The following CTNND2 variants were observed in gnomAD, a reference collection of about 807,000 sequenced individuals.
The protein encoded by CTNND2 is catenin delta-2.
CTNND2 carries 22 observed loss-of-function variants against 144.4 expected under a neutral mutation model. The observed-to-expected ratio is 0.15, with a 90% CI of 0.11 to 0.22. The LOEUF is 0.22. Among genes scored for constraint, CTNND2 ranks in the 10% least tolerant of loss-of-function variants. The probability of loss-of-function intolerance (pLI) is 1.00; values close to 1 mark genes in which losing one functional copy is unlikely to be tolerated. For synonymous variants in CTNND2, 751 were observed against 695.6 expected (o/e 1.08, Z -1.25); for missense variants, 1,353 against 1,618.8 (o/e 0.84, Z 2.82).
At chr5:11,760,049 CAAAAAAAAA>C (rs33988550) in intron 1 of CTNND2, among the ~76,000 whole-genome samples, 1 of 117,638 alleles carries the variant, frequency 8.5e-6, no homozygotes, top group Admixed American at 8.9e-5. Context: ...GTACTGGATG[CAAAAAAAAA>C]AAAAAAAAAA....
chr5:11,830,661 T>C (rs1253567869), intron 1 of CTNND2, among the ~76,000 whole-genome samples: 1 of 152,122 alleles, frequency 6.6e-6, no homozygotes, highest in Admixed American at 6.5e-5. Flanking sequence ...GAAAACGGAC[T>C]AGTACGGACT....
At chr5:11,169,157 C>T (rs1041133060) in intron 11 of CTNND2, among the ~76,000 whole-genome samples, 2 of 152,124 alleles carry the variant, frequency 1.3e-5, no homozygotes, top group Non-Finnish European at 2.9e-5. Flanking sequence ...CCCATGGTTC[C>T]CCACCTTGCA....
intron 3 of CTNND2, among the ~76,000 whole-genome samples, chr5:11,480,793 C>G (rs1768180000): frequency 6.6e-6 from 1 of 152,024 alleles, no homozygotes; most frequent in Non-Finnish European, 1.5e-5. Context: ...GCGTTGATGT[C>G]AGGTGAGCTG....
chr5:11,295,470 T>C (rs1409661033), intron 9 of CTNND2, among the ~76,000 whole-genome samples: 1 of 152,130 alleles, frequency 6.6e-6, no homozygotes, highest in Non-Finnish European at 1.5e-5. Flanking sequence ...TTCACAGAAT[T>C]GGAAAAAACT....
intron 3 of CTNND2, among the ~76,000 whole-genome samples, chr5:11,493,747 G>A (rs1386723711): frequency 6.6e-6 from 1 of 152,116 alleles, no homozygotes. Flanking sequence ...CTAACCTTCA[G>A]ACTTCATTTT....
chr5:11,484,303 T>C (rs935059825), intron 3 of CTNND2, among the ~76,000 whole-genome samples: 4 of 152,208 alleles, frequency 2.6e-5, no homozygotes, highest in African/African-American at 7.2e-5. Context: ...TTACGCATAG[T>C]TGAATTTGGC....
intron 2 of CTNND2, among the ~76,000 whole-genome samples, chr5:11,622,703 T>C (rs556906440): frequency 2.2e-4 from 33 of 152,172 alleles, no homozygotes; most frequent in Non-Finnish European, 4.3e-4. Flanking sequence ...AAGCCATTCC[T>C]ACCTCCATAC....
At chr5:11,240,202 C>CA (rs1742096491) in intron 9 of CTNND2, among the ~76,000 whole-genome samples, 5 of 133,488 alleles carry the variant, frequency 3.7e-5, no homozygotes, top group African/African-American at 1.4e-4. Flanking sequence ...CACACACACA[C>CA]ACACCCCCAA....
intron 3 of CTNND2, among the ~76,000 whole-genome samples, chr5:11,455,169 T>C (rs75628231): frequency 0.017 from 2,627 of 151,654 alleles, 68 homozygotes; most frequent in African/African-American, 0.061. Context: ...CAAAGACTGA[T>C]AGTAAAAAAC....
At chr5:11,319,653 TG>T (rs1165050518) in intron 9 of CTNND2, among the ~76,000 whole-genome samples, 6 of 152,208 alleles carry the variant, frequency 3.9e-5, no homozygotes, top group Non-Finnish European at 8.8e-5. Context: ...CCCAAGCAGC[TG>T]GGATTACAGG....
chr5:11,697,976 T>C (rs900708639), intron 2 of CTNND2, among the ~76,000 whole-genome samples: 2 of 152,176 alleles, frequency 1.3e-5, no homozygotes, highest in Admixed American at 6.5e-5. Context: ...AAGCCACAGA[T>C]AGGACCTTGC....
chr5:11,641,284 T>G (rs1180894225), intron 2 of CTNND2, among the ~76,000 whole-genome samples: 2 of 152,034 alleles, frequency 1.3e-5, no homozygotes, highest in Non-Finnish European at 2.9e-5. Flanking sequence ...TGCTTTAAAG[T>G]GTGCAATGTG....
intron 15 of CTNND2, among the ~76,000 whole-genome samples, chr5:11,086,335 A>T (rs1750140179): frequency 6.6e-6 from 1 of 152,084 alleles, no homozygotes; most frequent in Admixed American, 6.5e-5. Context: ...CATAGAACAG[A>T]GTTGATTCTA....
At chr5:11,395,091 T>C (rs746061104) in intron 6 of CTNND2, among the ~76,000 whole-genome samples, 13 of 152,126 alleles carry the variant, frequency 8.5e-5, no homozygotes, top group Non-Finnish European at 1.5e-5. Context: ...AAGAAAAGTA[T>C]CACACCACTC....
chr5:10,978,103 A>T (rs767717952), intron 21 of CTNND2, among the ~76,000 whole-genome samples: 26 of 152,200 alleles, frequency 1.7e-4, no homozygotes, highest in Non-Finnish European at 2.8e-4. Flanking sequence ...CGCTCAGCAG[A>T]GGACAAGCTT....
intron 1 of CTNND2, among the ~76,000 whole-genome samples, chr5:11,863,876 C>A (rs983147125): frequency 3.3e-5 from 5 of 152,148 alleles, no homozygotes; most frequent in African/African-American, 1.2e-4. Flanking sequence ...ACGTTCTCTA[C>A]AAAATAGATA....
chr5:11,537,601 G>A (rs1223339979), intron 3 of CTNND2, among the ~76,000 whole-genome samples: 1 of 151,988 alleles, frequency 6.6e-6, no homozygotes, highest in Non-Finnish European at 1.5e-5. Context: ...TTTCTACCCT[G>A]CTTTTACATG....
intron 8 of CTNND2, among the ~76,000 whole-genome samples, chr5:11,355,588 G>A (rs1755782707): frequency 6.6e-6 from 1 of 152,098 alleles, no homozygotes; most frequent in African/African-American, 2.4e-5. Context: ...CTGAACAAGG[G>A]AAAGCTAATA....
chr5:11,684,162 C>G (rs1307793025), intron 2 of CTNND2, among the ~76,000 whole-genome samples: 2 of 151,446 alleles, frequency 1.3e-5, no homozygotes, highest in Non-Finnish European at 2.9e-5. Context: ...AATGCAGTGG[C>G]ACAATCTCGG....
Sources: allele counts gnomAD v4.1 joint callset (sites outside exome capture counted in the v4.1 genomes callset), GRCh38; gene constraint gnomAD v4.1.1; transcripts MANE v1.5; gene names NCBI Gene and HGNC (gene_info 2026-07-23, HGNC 2026-07-21).